ABCC1: variants seen among roughly 807,000 people sequenced by gnomAD.
ABCC1 encodes the protein ATP binding cassette subfamily C member 1 (ABCC1 blood group), also known as multidrug resistance-associated protein 1.
In ABCC1, 83 loss-of-function variants were observed where a neutral mutation model predicts 172.9. That is an observed-to-expected ratio of 0.48 (90% confidence interval 0.40 to 0.58). The LOEUF (loss-of-function observed/expected upper bound fraction) is 0.58. Among genes scored for constraint, ABCC1 ranks in the 20% least tolerant of loss-of-function variants. The pLI is 0.00. For synonymous variants in ABCC1, 937 were observed against 825.2 expected (o/e 1.14, Z -2.32); for missense variants, 1,817 against 2,002.7 (o/e 0.91, Z 1.77).
At chr16:16,082,157 CT>C (rs2050830135) in intron 16 of ABCC1, among the ~76,000 whole-genome samples, 1 of 152,206 alleles carries the variant, frequency 6.6e-6, no homozygotes, top group Non-Finnish European at 1.5e-5. Flanking sequence ...TCACGCTGGC[CT>C]TTCTGTTCCT....
chr16:16,119,979 A>G (rs1015219928), intron 23 of ABCC1, among the ~76,000 whole-genome samples: 2 of 151,584 alleles, frequency 1.3e-5, no homozygotes, highest in Admixed American at 1.3e-4. Flanking sequence ...CATTCCAGGA[A>G]TTGGCAGAAC....
intron 13 of ABCC1, among the ~76,000 whole-genome samples, chr16:16,070,651 C>G (rs553658851): frequency 1.3e-5 from 2 of 152,084 alleles, no homozygotes; most frequent in Non-Finnish European, 2.9e-5. Context: ...GGTGACAGAG[C>G]GAGACTCCAT....
At chr16:16,109,478 A>G (rs2052292173) in intron 21 of ABCC1, among the ~76,000 whole-genome samples, 1 of 152,332 alleles carries the variant, frequency 6.6e-6, no homozygotes, top group Non-Finnish European at 1.5e-5. Flanking sequence ...CACCCAGTCC[A>G]GATGATTTTC....
At chr16:16,033,315 C>A in intron 6 of ABCC1, 145 bp downstream of exon 6, 1 of 774,954 alleles carries the variant, frequency 1.3e-6, no homozygotes, top group African/African-American at 1.7e-5. Flanking sequence ...CCTGTGCTGG[C>A]CATGTGGTCT....
chr16:16,045,809 C>T (rs757188780), intron 8 of ABCC1, 27 bp from the exon 9 acceptor site: 1 of 1,611,388 alleles, frequency 6.2e-7, no homozygotes, highest in East Asian at 2.2e-5. Flanking sequence ...ACAAGTCATT[C>T]CAGGCCCTCT....
At chr16:16,120,937 A>G (rs1425010180) in intron 23 of ABCC1, among the ~76,000 whole-genome samples, 2 of 152,176 alleles carry the variant, frequency 1.3e-5, no homozygotes, top group Admixed American at 6.5e-5. Flanking sequence ...TCACTTAATG[A>G]TAACAATAGT....
intron 3 of ABCC1, among the ~76,000 whole-genome samples, chr16:16,011,290 A>T (rs1188076308): frequency 6.6e-6 from 1 of 151,906 alleles, no homozygotes; most frequent in Non-Finnish European, 1.5e-5. Context: ...CATTCTGAGC[A>T]GGGTGAACAG....
chr16:16,015,833 G>C (rs2047973496), intron 4 of ABCC1, among the ~76,000 whole-genome samples: 1 of 152,190 alleles, frequency 6.6e-6, no homozygotes, highest in Non-Finnish European at 1.5e-5. Context: ...GACACTGCCA[G>C]ATGTTTCCTG....
chr16:16,065,271 A>G (rs1328171609), intron 12 of ABCC1, among the ~76,000 whole-genome samples: 1 of 152,062 alleles, frequency 6.6e-6, no homozygotes, highest in Admixed American at 6.6e-5. Context: ...TTTAAAAATT[A>G]CTTGTTTAGA....
chr16:16,127,290 G>A (rs1567435482), intron 26 of ABCC1, among the ~76,000 whole-genome samples: 1 of 152,136 alleles, frequency 6.6e-6, no homozygotes, highest in African/African-American at 2.4e-5. Context: ...GATCTCATTC[G>A]CTGCCTCCCA....
intron 12 of ABCC1, among the ~76,000 whole-genome samples, chr16:16,067,273 G>T (rs1375568629): frequency 6.6e-6 from 1 of 152,092 alleles, no homozygotes; most frequent in Non-Finnish European, 1.5e-5. Flanking sequence ...TGACATCGGA[G>T]CCTGGAAAAT....
chr16:16,091,349 G>A (rs1382556085), intron 19 of ABCC1, among the ~76,000 whole-genome samples: 1 of 138,852 alleles, frequency 7.2e-6, no homozygotes, highest in Non-Finnish European at 1.5e-5. Flanking sequence ...TGGATCCCTT[G>A]AAGCCAGGAG....
rs1358656504 is a variant in ABCC1 at position 16,033,648 on chromosome 16, G to A, written c.677+478G>A. Among the ~76,000 whole-genome samples the A allele has an allele frequency of 1.1e-4, 17 of 151,990 alleles. No individual in the cohort carries two copies. In the East Asian group the frequency reaches 2.3e-3, roughly 21 times the overall value. On this transcript the variant is annotated intron_variant, in intron 6 of 30. Coordinates refer to ENST00000399410, the MANE Select transcript of ABCC1 (RefSeq NM_004996.4). ...CATTTTAGTATGCCTTCTTCTGGTCGTCTTTCTTTTTTTTTTGAGACGGAG... is the reference window on the plus strand; with the variant it reads ...CATTTTAGTATGCCTTCTTCTGGTCATCTTTCTTTTTTTTTTGAGACGGAG...
chr16:16,037,590 A>T (rs975017420), intron 7 of ABCC1, among the ~76,000 whole-genome samples: 4 of 152,218 alleles, frequency 2.6e-5, no homozygotes, highest in Non-Finnish European at 5.9e-5. Context: ...GATTGCGGCC[A>T]TGGGGGTAGT....
Position 16,083,428 on chromosome 16 carries a change from C to T in ABCC1, c.2178C>T (p.Ile726=). 1 of 1,613,944 alleles carries T rather than the reference C, an allele frequency of 6.2e-7. No individual in the cohort carries two copies. The change falls in exon 17 of 31, where the codon ATC becomes ATT. Residue 726 remains isoleucine (I), a synonymous_variant. Coordinates refer to ENST00000399410, the MANE Select transcript of ABCC1 (RefSeq NM_004996.4). ...WIQNDSLREN[I]LFGCQLEEPY... Reference sequence around the variant, plus strand: ...AGAATGATTCTCTCCGAGAAAACATCCTTTTTGGATGTCAGCTGGAGGAAC... The same window carrying T: ...AGAATGATTCTCTCCGAGAAAACATTCTTTTTGGATGTCAGCTGGAGGAAC...
At chr16:15,994,556 G>T (rs1480743735) in intron 1 of ABCC1, among the ~76,000 whole-genome samples, 1 of 152,060 alleles carries the variant, frequency 6.6e-6, no homozygotes. Context: ...TTCCAACTCA[G>T]CATTTAGAAA....
At chr16:15,980,105 A>T (rs183664894) in intron 1 of ABCC1, among the ~76,000 whole-genome samples, 2 of 152,136 alleles carry the variant, frequency 1.3e-5, no homozygotes, top group Non-Finnish European at 2.9e-5. Context: ...ACCTTCAACA[A>T]TGTTTGACTT....
intron 16 of ABCC1, among the ~76,000 whole-genome samples, chr16:16,082,436 T>C (rs561027622): frequency 7.9e-5 from 12 of 152,284 alleles, no homozygotes; most frequent in African/African-American, 2.9e-4. Context: ...AATAAATATA[T>C]AGAGAATTAA....
intron 1 of ABCC1, among the ~76,000 whole-genome samples, chr16:15,983,385 G>A (rs1413827804): frequency 2.0e-5 from 3 of 152,110 alleles, no homozygotes; most frequent in African/African-American, 7.2e-5. Context: ...TTTCAGCGCA[G>A]TGTGAAGGGA....
Sources: allele counts gnomAD v4.1 joint callset (sites outside exome capture counted in the v4.1 genomes callset), GRCh38; gene constraint gnomAD v4.1.1; transcripts MANE v1.5; gene names NCBI Gene and HGNC (gene_info 2026-07-23, HGNC 2026-07-21).